The following CD44 variants were observed in gnomAD, a reference collection of about 807,000 sequenced individuals.
CD44 encodes the protein CD44 antigen.
A neutral mutation model predicts 88.8 loss-of-function variants in CD44; 49 were observed. That is an observed-to-expected ratio of 0.55 (90% CI 0.44 to 0.70). The LOEUF is 0.70. Among genes scored for constraint, CD44 ranks in the 30% least tolerant of loss-of-function variants. The pLI, the probability that CD44 is intolerant of heterozygous loss-of-function variation, is 0.00. For synonymous variants in CD44, 325 were observed against 312.3 expected, an observed-to-expected ratio of 1.04 and a Z score of -0.43; for missense variants, 883 against 913.8, an observed-to-expected ratio of 0.97 and a Z score of 0.43.
Position 35,209,546 on chromosome 11 carries a change from C to T in CD44, c.1517-419C>T, listed in dbSNP as rs561515701. Among the ~76,000 whole-genome samples, 624 of 152,004 alleles carry T rather than the reference C, an allele frequency of 4.1e-3. 3 individuals are homozygous for T. Among genetic ancestry groups the T allele is most frequent in the African/African-American group, 0.015 (603 of 41,454 alleles). ...ACAGGCTATCATAGTGTTCATTTTC[C>T]CTGCCGTCACATTTCTTGACACACA... On this transcript the variant is annotated intron_variant, in intron 12 of 17. Coordinates refer to ENST00000428726, the MANE Select transcript of CD44 (RefSeq NM_000610.4).
rs770791360 is a variant in CD44, at chr11:35,196,832, T to C, written c.754T>C (p.Ser252Pro). The C allele has an allele frequency of 1.9e-6, 3 of 1,613,736 alleles. No homozygotes were observed. Among genetic ancestry groups the C allele is most frequent in the Admixed American group, 3.3e-5 (2 of 59,988 alleles). The change falls in exon 6 of 18, where the codon TCA becomes CCA. Residue 252 changes from serine (S) to proline (P), a missense_variant. Around this residue, in one of 2 missense-constraint regions of CD44, gnomAD observed 631 missense variants for 590.9 expected, o/e 1.07. Coordinates refer to ENST00000428726, the MANE Select transcript of CD44 (RefSeq NM_000610.4). Reference protein sequence around the residue: ...WDWFSWLFLPSESKNHLHTTT... With the variant: ...WDWFSWLFLPPESKNHLHTTT... ...TTGGTTTTCATGGTTGTTTCTACCA[T>C]CAGAGTCAAAGAATCATCTTCACAC...
chr11:35,163,960 T>C (rs1942963843), intron 1 of CD44, among the ~76,000 whole-genome samples: 1 of 152,064 alleles, frequency 6.6e-6, no homozygotes, highest in South Asian at 2.1e-4. Context: ...GTTTCAATGA[T>C]CGCAATAGTA....
At chr11:35,214,084 G>A (rs1948637180) in intron 14 of CD44, 1 of 152,018 alleles carries the variant, frequency 6.6e-6, no homozygotes, top group African/African-American at 2.4e-5. Context: ...TTTGACCTAT[G>A]GATTTAGATT....
intron 1 of CD44, among the ~76,000 whole-genome samples, chr11:35,172,471 G>T (rs970171753): frequency 3.9e-5 from 6 of 152,180 alleles, no homozygotes; most frequent in Admixed American, 6.5e-5. Context: ...GCTGGCCATT[G>T]TTTCTGCTGT....
chr11:35,144,482 C>T (rs189987402), intron 1 of CD44, among the ~76,000 whole-genome samples: 1 of 152,346 alleles, frequency 6.6e-6, no homozygotes, highest in Admixed American at 6.5e-5. Context: ...TTTAGAATGG[C>T]AGGGTAGGTT....
At chr11:35,156,036 C>T (rs139446244) in intron 1 of CD44, among the ~76,000 whole-genome samples, 9 of 152,262 alleles carry the variant, frequency 5.9e-5, no homozygotes, top group African/African-American at 2.2e-4. Context: ...CTAGTTTCTA[C>T]CCCAGAGCTG....
At chr11:35,194,942 A>C (rs1312945710) in intron 5 of CD44, among the ~76,000 whole-genome samples, 1 of 152,244 alleles carries the variant, frequency 6.6e-6, no homozygotes, top group African/African-American at 2.4e-5. Flanking sequence ...TGATTCTCAC[A>C]GCCAGTAATA....
At chr11:35,211,597 T>C (rs1948394699) in intron 14 of CD44, 148 bp downstream of exon 14, 3 of 631,062 alleles carry the variant, frequency 4.8e-6, no homozygotes, top group Non-Finnish European at 8.3e-6. Context: ...TCAATTCTAG[T>C]GCAAATAAAC....
intron 1 of CD44, among the ~76,000 whole-genome samples, chr11:35,158,944 C>G (rs558359318): frequency 6.6e-6 from 1 of 152,212 alleles, no homozygotes; most frequent in Non-Finnish European, 1.5e-5. Context: ...CAGCCTCTTC[C>G]TGCCTTCTGT....
chr11:35,221,954 T>A (rs1591340211), intron 17 of CD44, among the ~76,000 whole-genome samples: 1 of 152,200 alleles, frequency 6.6e-6, no homozygotes, highest in African/African-American at 2.4e-5. Context: ...GCTTAAGACA[T>A]CTTTCTCTGC....
intron 1 of CD44, among the ~76,000 whole-genome samples, chr11:35,171,706 G>C (rs1943916290): frequency 6.6e-6 from 1 of 152,218 alleles, no homozygotes; most frequent in Non-Finnish European, 1.5e-5. Context: ...ACTGTTATAA[G>C]CTATGATAGC....
chr11:35,162,124 A>C (rs900622968), intron 1 of CD44, among the ~76,000 whole-genome samples: 6 of 152,196 alleles, frequency 3.9e-5, no homozygotes, highest in Non-Finnish European at 7.4e-5. Flanking sequence ...CCAGCCCCCA[A>C]GATTGTATCT....
chr11:35,225,102 G>GAGCACTTGAACTCTGGCTAGTTCA (rs1949603941), intron 17 of CD44, among the ~76,000 whole-genome samples: 1 of 123,768 alleles, frequency 8.1e-6, no homozygotes, highest in Non-Finnish European at 1.9e-5. Flanking sequence ...AGCCACAACT[G>GAGCACTTGAACTCTGGCTAGTTCA]AGCACTTGAA....
At position 35,180,236 on chromosome 11, in the gene CD44, G is replaced by A. The variant is rs367916728; in HGVS notation, c.234-38G>A. 1.1e-5 allele frequency: 17 copies of A among 1,609,630 alleles called. No individual in the cohort carries two copies. The South Asian group carries it at 1.1e-4, about 10-fold the overall frequency. Reference sequence around the variant, plus strand: ...GGGATATTATGAAATTCCCATCTTAGCCATTTAGGTCAATATCCTGTTGTT... The same window carrying A: ...GGGATATTATGAAATTCCCATCTTAACCATTTAGGTCAATATCCTGTTGTT... On this transcript the variant is annotated intron_variant, in intron 2 of 17. Transcript: ENST00000428726.
chr11:35,219,173 G>C (rs969245031), intron 15 of CD44, 143 bp from the exon 16 acceptor site: 1 of 654,376 alleles, frequency 1.5e-6, no homozygotes, highest in African/African-American at 1.8e-5. Flanking sequence ...TTTGTGTAAT[G>C]CTTTATAAAC....
chr11:35,226,880 CTTTTTTTTT>C (rs367551052), intron 17 of CD44, among the ~76,000 whole-genome samples: 1 of 106,212 alleles, frequency 9.4e-6, no homozygotes, highest in African/African-American at 4.1e-5. Flanking sequence ...TTCTTTTTTC[CTTTTTTTTT>C]TTTTTTTTTT....
chr11:35,148,508 G>A (rs754491005), intron 1 of CD44, among the ~76,000 whole-genome samples: 4 of 152,170 alleles, frequency 2.6e-5, no homozygotes, highest in Admixed American at 6.5e-5. Context: ...TTAGAGGTCA[G>A]GTACATTCCT....
chr11:35,170,099 G>C (rs1055721564), intron 1 of CD44, among the ~76,000 whole-genome samples: 1 of 152,218 alleles, frequency 6.6e-6, no homozygotes, highest in Non-Finnish European at 1.5e-5. Flanking sequence ...ACCATATCAA[G>C]TGTTTGACAT....
intron 14 of CD44, chr11:35,212,443 C>T (rs1437754663): frequency 6.6e-6 from 1 of 152,084 alleles, no homozygotes; most frequent in Non-Finnish European, 1.5e-5. Context: ...GTTGCCCAGG[C>T]TGGAGTCCAA....
Sources: gnomAD v4.1 joint callset for allele counts (sites outside exome capture counted in the v4.1 genomes callset) on GRCh38, gnomAD v4.1.1 for gene constraint, gnomAD v4.1.1 regional missense constraint, MANE v1.5 for transcripts, NCBI Gene and HGNC (gene_info 2026-07-23, HGNC 2026-07-21) for gene names.